Variants in EPC1 observed in about 807,000 individuals in gnomAD.
The protein encoded by EPC1 is enhancer of polycomb 1, also known as enhancer of polycomb homolog 1.
EPC1 carries 12 observed loss-of-function variants against 98.4 expected under a neutral mutation model. The observed-to-expected ratio is 0.12, with a 90% CI of 0.08 to 0.20. The LOEUF is 0.20. Ranked by LOEUF, EPC1 falls within the 10% of genes least tolerant of loss-of-function variation. The probability of loss-of-function intolerance (pLI) is 1.00; values close to 1 mark genes in which losing one functional copy is unlikely to be tolerated. For synonymous variants in EPC1, 357 were observed against 363.9 expected (o/e 0.98, Z 0.21); for missense variants, 729 against 990.5 (o/e 0.74, Z 3.54).
At chr10:32,303,729 A>G (rs1835711672) in intron 2 of EPC1, among the ~76,000 whole-genome samples, 1 of 152,234 alleles carries the variant, frequency 6.6e-6, no homozygotes, top group Non-Finnish European at 1.5e-5. Context: ...GGTGGTGGTT[A>G]TGCAGGGCTA....
chr10:32,272,260 T>C (rs1835886276), intron 11 of EPC1, 93 bp from the exon 12 acceptor site: 1 of 1,081,994 alleles, frequency 9.2e-7, no homozygotes, highest in Admixed American at 3.4e-5. Context: ...AGTTTGAATA[T>C]AAGTAAAAAT....
At position 32,291,256 on chromosome 10, in the gene EPC1, T is replaced by C. The variant is rs776506683; in HGVS notation, c.882A>G (p.Lys294=). 1 of 1,614,034 alleles carries C rather than the reference T, an allele frequency of 6.2e-7. No homozygotes were observed. Among genetic ancestry groups the C allele is most frequent in the South Asian group, 1.1e-5 (1 of 91,076 alleles). ...SEVMAQRQPM[K]PTYAIPIIPI... ...GGATGATGGGGATGGCATAAGTAGG[T>C]TTCATTGGCTGTCTCTGTGCCATAA... is the stretch of plus-strand genomic sequence containing the variant. Residue 294 remains lysine (K), a synonymous_variant, in exon 6 of 14, where the codon AAA becomes AAG. Coordinates refer to ENST00000319778, the MANE Select transcript of EPC1 (RefSeq NM_001272004.3).
chr10:32,297,097 C>T (rs1240275157), intron 2 of EPC1, among the ~76,000 whole-genome samples: 2 of 152,086 alleles, frequency 1.3e-5, no homozygotes, highest in East Asian at 3.9e-4. Flanking sequence ...AACACCTCAA[C>T]CCAAGCTAAT....
Position 32,305,773 on chromosome 10 carries a change from C to G in EPC1, c.312G>C (p.Gln104His), listed in dbSNP as rs751327660. ...FKMPKQLIHIQPFSLDAEQPD... is the reference protein window; with the variant it reads ...FKMPKQLIHIHPFSLDAEQPD... ...ATCATTAAGAGAATCATTACTTACG[C>G]TGTATGTGAATGAGCTGCTTTGGCA... is the stretch of plus-strand genomic sequence containing the variant. Residue 104 changes from glutamine (Q) to histidine (H), a missense_variant and splice_region_variant, in exon 2 of 14, where the codon CAG becomes CAC. By Grantham distance (24) the Gln-to-His change is conservative. Coordinates refer to ENST00000319778, the MANE Select transcript of EPC1 (RefSeq NM_001272004.3). 6.3e-6 allele frequency: 10 copies of G among 1,590,560 alleles called. No homozygotes were observed. In the East Asian group the frequency reaches 1.8e-4, roughly 29 times the overall value.
intron 13 of EPC1, 109 bp from the exon 14 acceptor site, chr10:32,269,244 C>G: frequency 3.5e-6 from 3 of 859,746 alleles, no homozygotes; most frequent in Non-Finnish European, 1.9e-6. Context: ...AGAAATTGGA[C>G]TCTTTGGGAA....
At chr10:32,272,635 G>C (rs1191616372) in intron 11 of EPC1, among the ~76,000 whole-genome samples, 1 of 152,094 alleles carries the variant, frequency 6.6e-6, no homozygotes, top group Admixed American at 6.6e-5. Flanking sequence ...TTTAGAAATG[G>C]AAGTAACAAA....
intron 10 of EPC1, among the ~76,000 whole-genome samples, chr10:32,275,490 G>C (rs1380121828): frequency 6.6e-6 from 1 of 152,096 alleles, no homozygotes; most frequent in Admixed American, 6.6e-5. Context: ...AAGTTGGCTG[G>C]GCGCGGTGGC....
Position 32,313,666 on chromosome 10 carries a change from G to A in EPC1, c.154-7735C>T, listed in dbSNP as rs770577822. 2.6e-5 allele frequency among the ~76,000 whole-genome samples: 4 copies of A among 152,136 alleles called. No individual in the cohort carries two copies. The South Asian group carries it at 6.2e-4, about 24-fold the overall frequency. ...AGCATTTTGGGAGGCCAAGGCAAGAGAGTCACCTGAGGAGTTTGAGACCAG... is the reference window on the plus strand; with the variant it reads ...AGCATTTTGGGAGGCCAAGGCAAGAAAGTCACCTGAGGAGTTTGAGACCAG... On this transcript the variant is annotated intron_variant, in intron 1 of 13. Coordinates refer to ENST00000319778, the MANE Select transcript of EPC1 (RefSeq NM_001272004.3).
At chr10:32,358,305 T>A (rs995971251) in intron 1 of EPC1, among the ~76,000 whole-genome samples, 5 of 152,200 alleles carry the variant, frequency 3.3e-5, no homozygotes, top group Non-Finnish European at 5.9e-5. Flanking sequence ...TTCATTGTTA[T>A]AAAGAACACG....
At chr10:32,359,328 G>A (rs1215302627) in intron 1 of EPC1, among the ~76,000 whole-genome samples, 1 of 152,284 alleles carries the variant, frequency 6.6e-6, no homozygotes, top group Non-Finnish European at 1.5e-5. Flanking sequence ...ATTCTGGCAG[G>A]TACTAGAATT....
At chr10:32,334,122 A>T (rs922556787) in intron 1 of EPC1, among the ~76,000 whole-genome samples, 1 of 152,254 alleles carries the variant, frequency 6.6e-6, no homozygotes, top group African/African-American at 2.4e-5. Flanking sequence ...CTAGGAATTG[A>T]GACTCACCTA....
At chr10:32,316,114 A>G (rs1836534625) in intron 1 of EPC1, among the ~76,000 whole-genome samples, 1 of 152,140 alleles carries the variant, frequency 6.6e-6, no homozygotes, top group Non-Finnish European at 1.5e-5. Context: ...TTTCAATGTC[A>G]TCTTCCCAGA....
At chr10:32,310,320 C>A (rs1171746834) in intron 1 of EPC1, among the ~76,000 whole-genome samples, 2 of 152,144 alleles carry the variant, frequency 1.3e-5, no homozygotes, top group Admixed American at 6.5e-5. Context: ...TCTTTTCCAG[C>A]AAGAGTTTTA....
chr10:32,307,267 C>G (rs937998919), intron 1 of EPC1, among the ~76,000 whole-genome samples: 1 of 152,162 alleles, frequency 6.6e-6, no homozygotes, highest in African/African-American at 2.4e-5. Context: ...CTACAAAGAA[C>G]CACTCATGTA....
intron 1 of EPC1, among the ~76,000 whole-genome samples, chr10:32,357,218 C>A (rs943040543): frequency 3.3e-5 from 5 of 152,158 alleles, no homozygotes; most frequent in African/African-American, 1.2e-4. Flanking sequence ...GCTTGGAAAC[C>A]AAAGACCTAC....
At chr10:32,376,365 CAT>C (rs1487370732) in intron 1 of EPC1, among the ~76,000 whole-genome samples, 5 of 151,922 alleles carry the variant, frequency 3.3e-5, no homozygotes, top group Non-Finnish European at 7.4e-5. Context: ...TTTAGCAATA[CAT>C]GTGTTGGAAA....
Position 32,277,711 on chromosome 10 carries a change from C to T in EPC1, c.1745-4430G>A, listed in dbSNP as rs550438327. On this transcript the variant is annotated intron_variant, in intron 10 of 13. Transcript: ENST00000319778. ...AAGTAGCTCTAGCTCGGACTACAGG[C>T]GAGCATCACTATGCCTGGCTAATTT... 9.2e-5 allele frequency among the ~76,000 whole-genome samples: 14 copies of T among 152,208 alleles called. No homozygotes were observed. The South Asian group carries it at 1.9e-3, about 20-fold the overall frequency.
At chr10:32,269,403 C>T in intron 13 of EPC1, 1 of 303,264 alleles carries the variant, frequency 3.3e-6, no homozygotes, top group Non-Finnish European at 6.3e-6. Flanking sequence ...ACAAAGAATT[C>T]CCATGTTTTA....
intron 6 of EPC1, among the ~76,000 whole-genome samples, chr10:32,289,285 A>ACT (rs1282534252): frequency 8.1e-4 from 122 of 150,652 alleles, no homozygotes; most frequent in African/African-American, 2.9e-3. Context: ...GAATAACTCT[A>ACT]CTCTCCCTCC....
Sources: gnomAD v4.1 joint callset for allele counts (sites outside exome capture counted in the v4.1 genomes callset) on GRCh38, gnomAD v4.1.1 for gene constraint, MANE v1.5 for transcripts, NCBI Gene and HGNC (gene_info 2026-07-23, HGNC 2026-07-21) for gene names.